Variants in PLCXD3 observed in about 807,000 individuals in gnomAD.
PLCXD3 encodes the protein PI-PLC X domain-containing protein 3.
A neutral mutation model predicts 25.5 loss-of-function variants in PLCXD3; 19 were observed. That is an observed-to-expected ratio of 0.75 (90% CI 0.52 to 1.09). The LOEUF (loss-of-function observed/expected upper bound fraction) is 1.09. Among genes scored for constraint, PLCXD3 ranks in the 50% least tolerant of loss-of-function variants. The pLI, the probability that PLCXD3 is intolerant of heterozygous loss-of-function variation, is 0.00. For missense variants in PLCXD3, 411 were observed against 388.1 expected, an observed-to-expected ratio of 1.06 and a Z score of -0.50; for synonymous variants, 174 against 137.6, an observed-to-expected ratio of 1.26 and a Z score of -1.85.
At chr5:41,441,099 C>G (rs1244579829) in intron 1 of PLCXD3, among the ~76,000 whole-genome samples, 3 of 151,824 alleles carry the variant, frequency 2.0e-5, no homozygotes, top group Non-Finnish European at 4.4e-5. Context: ...GTTCATTTGC[C>G]TATTCATTCA....
intron 1 of PLCXD3, among the ~76,000 whole-genome samples, chr5:41,488,674 G>A (rs1440353657): frequency 1.4e-5 from 2 of 146,702 alleles, no homozygotes; most frequent in Admixed American, 6.7e-5. Flanking sequence ...TTTCTCTGAT[G>A]GCCAGTGATG....
intron 2 of PLCXD3, among the ~76,000 whole-genome samples, chr5:41,376,530 T>C (rs146983647): frequency 1.3e-5 from 2 of 152,184 alleles, no homozygotes; most frequent in Non-Finnish European, 2.9e-5. Flanking sequence ...CACATCACTC[T>C]GTTTCTGTAA....
chr5:41,461,001 T>C (rs1449381899), intron 1 of PLCXD3, among the ~76,000 whole-genome samples: 2 of 151,992 alleles, frequency 1.3e-5, no homozygotes, highest in East Asian at 3.9e-4. Flanking sequence ...CTCAGTAGTG[T>C]TGAATCTTTG....
At chr5:41,426,807 G>C (rs923677826) in intron 1 of PLCXD3, among the ~76,000 whole-genome samples, 1 of 151,928 alleles carries the variant, frequency 6.6e-6, no homozygotes, top group Non-Finnish European at 1.5e-5. Flanking sequence ...TAGTTTATTT[G>C]AGGAGGATTG....
chr5:41,490,571 A>G (rs947829206), intron 1 of PLCXD3, among the ~76,000 whole-genome samples: 1 of 151,894 alleles, frequency 6.6e-6, no homozygotes, highest in Non-Finnish European at 1.5e-5. Context: ...GTCCTGGACT[A>G]TTTTTGTTGG....
chr5:41,446,629 C>A (rs1001773735), intron 1 of PLCXD3, among the ~76,000 whole-genome samples: 1 of 151,092 alleles, frequency 6.6e-6, no homozygotes, highest in Non-Finnish European at 1.5e-5. Context: ...AGACAAGGAA[C>A]TGATACTCAA....
chr5:41,474,424 G>C (rs1334183822), intron 1 of PLCXD3, among the ~76,000 whole-genome samples: 1 of 152,188 alleles, frequency 6.6e-6, no homozygotes, highest in Non-Finnish European at 1.5e-5. Context: ...TACTCAGATA[G>C]CTTCCAATGG....
Position 41,510,518 on chromosome 5 carries a change from C to G in PLCXD3, c.9G>C (p.Ser3=). The change falls in exon 1 of 3, where the codon TCG becomes TCC. Residue 3 remains serine (S), a synonymous_variant. Coordinates refer to ENST00000377801, the MANE Select transcript of PLCXD3 (RefSeq NM_001005473.3). ...ATTTCAGCTCGTTTTTCCCCTGAGA[C>G]GAGGCCATCGTGCCAGTCGGCGTGC... MA[S]SQGKNELKLA... 6.2e-7 allele frequency: 1 copy of G among 1,612,946 alleles called. No homozygotes were observed.
At chr5:41,424,347 C>A (rs963283292) in intron 1 of PLCXD3, among the ~76,000 whole-genome samples, 20 of 152,266 alleles carry the variant, frequency 1.3e-4, no homozygotes, top group Admixed American at 1.2e-3. Context: ...AGTTCGAGAC[C>A]AGCCTCAACA....
rs555486180 is a variant in PLCXD3 at position 41,479,609 on chromosome 5, G to A, written c.103+30815C>T. Among the ~76,000 whole-genome samples, 216 of 152,076 alleles carry A rather than the reference G, an allele frequency of 1.4e-3. 1 individual carries two copies. The Middle Eastern group carries it at 0.017, about 12-fold the overall frequency. ...AAACAGCTGTGCACATACCAAAAGC[G>A]TCTTCAAAATATCTCTTTGTGATAT... On this transcript the variant is annotated intron_variant, in intron 1 of 2. Transcript: ENST00000377801.
At chr5:41,472,453 G>T (rs1284077651) in intron 1 of PLCXD3, among the ~76,000 whole-genome samples, 1 of 152,044 alleles carries the variant, frequency 6.6e-6, no homozygotes, top group Admixed American at 6.6e-5. Flanking sequence ...GATTTTAAGG[G>T]GACAAAGAAG....
At chr5:41,488,490 T>C (rs1406137709) in intron 1 of PLCXD3, among the ~76,000 whole-genome samples, 20 of 121,856 alleles carry the variant, frequency 1.6e-4, no homozygotes, top group South Asian at 6.5e-4. Flanking sequence ...TCTAGATCCC[T>C]GAGGAATCGC....
intron 1 of PLCXD3, among the ~76,000 whole-genome samples, chr5:41,388,375 T>C (rs562915411): frequency 6.6e-6 from 1 of 152,164 alleles, no homozygotes; most frequent in East Asian, 1.9e-4. Flanking sequence ...CTTAAAATAA[T>C]AAAAATTAAG....
intron 1 of PLCXD3, among the ~76,000 whole-genome samples, chr5:41,501,773 G>A (rs1374225784): frequency 6.6e-6 from 1 of 152,104 alleles, no homozygotes; most frequent in East Asian, 1.9e-4. Context: ...GAGAGGTGTG[G>A]CGAACCACAT....
intron 1 of PLCXD3, among the ~76,000 whole-genome samples, chr5:41,496,631 A>C (rs1748845543): frequency 6.8e-6 from 1 of 146,208 alleles, no homozygotes; most frequent in Non-Finnish European, 1.5e-5. Flanking sequence ...CCAGACCAAA[A>C]AAAAAAAAAA....
At chr5:41,497,965 A>G (rs754176388) in intron 1 of PLCXD3, among the ~76,000 whole-genome samples, 37 of 151,806 alleles carry the variant, frequency 2.4e-4, no homozygotes, top group Non-Finnish European at 4.1e-4. Context: ...ACAAGAAATC[A>G]AAAGGGAATT....
chr5:41,352,547 C>T (rs1744494202), intron 2 of PLCXD3, among the ~76,000 whole-genome samples: 1 of 152,198 alleles, frequency 6.6e-6, no homozygotes, highest in African/African-American at 2.4e-5. Context: ...CCTAGTCTTA[C>T]ATCTCTGCCT....
intron 2 of PLCXD3, among the ~76,000 whole-genome samples, 189 bp downstream of exon 2, chr5:41,381,637 A>G (rs1353325022): frequency 2.0e-5 from 3 of 152,244 alleles, no homozygotes; most frequent in African/African-American, 4.8e-5. Flanking sequence ...TTGATTTCAG[A>G]CTTCTAGGTT....
At chr5:41,337,131 A>G (rs1284260764) in intron 2 of PLCXD3, among the ~76,000 whole-genome samples, 1 of 152,140 alleles carries the variant, frequency 6.6e-6, no homozygotes, top group Admixed American at 6.6e-5. Context: ...GTGGTGGTCA[A>G]CCAAAAGAAA....
Sources: allele counts gnomAD v4.1 joint callset (sites outside exome capture counted in the v4.1 genomes callset), GRCh38; gene constraint gnomAD v4.1.1; transcripts MANE v1.5; gene names NCBI Gene and HGNC (gene_info 2026-07-23, HGNC 2026-07-21).